The following LUZP2 variants were observed in gnomAD, a reference collection of about 807,000 sequenced individuals.
LUZP2 encodes leucine zipper protein 2.
A neutral mutation model predicts 51.6 loss-of-function variants in LUZP2; 52 were observed. The observed-to-expected ratio is 1.01, with a 90% CI of 0.81 to 1.27. The LOEUF is 1.27. LUZP2 is among the 50% of genes most tolerant of loss of function. LUZP2 has a pLI of 0.00. For missense variants in LUZP2, 436 were observed against 395.4 expected, an observed-to-expected ratio of 1.10 and a Z score of -0.87; for synonymous variants, 154 against 137.3, an observed-to-expected ratio of 1.12 and a Z score of -0.85.
At chr11:24,915,588 G>A (rs1404867710) in intron 7 of LUZP2, among the ~76,000 whole-genome samples, 1 of 151,982 alleles carries the variant, frequency 6.6e-6, no homozygotes, top group Non-Finnish European at 1.5e-5. Flanking sequence ...TTCTTTTACA[G>A]ATAAGTAATA....
At chr11:24,784,803 G>A (rs940547179) in intron 5 of LUZP2, among the ~76,000 whole-genome samples, 2 of 151,964 alleles carry the variant, frequency 1.3e-5, no homozygotes, top group African/African-American at 4.8e-5. Flanking sequence ...ATTTTCTAAT[G>A]TATTATTATT....
chr11:24,569,591 G>A (rs1425404220), intron 1 of LUZP2, among the ~76,000 whole-genome samples: 2 of 151,936 alleles, frequency 1.3e-5, no homozygotes, highest in African/African-American at 2.4e-5. Context: ...AGGAAATTAT[G>A]CAAAATAGCA....
chr11:24,529,177 G>A (rs902680008), intron 1 of LUZP2, among the ~76,000 whole-genome samples: 2 of 151,076 alleles, frequency 1.3e-5, no homozygotes, highest in African/African-American at 2.4e-5. Context: ...TGGACAGTAA[G>A]TTGCATAAGA....
At chr11:24,884,602 T>C (rs1852607689) in intron 5 of LUZP2, among the ~76,000 whole-genome samples, 1 of 152,042 alleles carries the variant, frequency 6.6e-6, no homozygotes. Flanking sequence ...TTGAGTTTAA[T>C]CTCTCTTCGT....
intron 6 of LUZP2, among the ~76,000 whole-genome samples, chr11:24,912,931 C>T (rs1853682715): frequency 6.6e-6 from 1 of 152,144 alleles, no homozygotes; most frequent in Non-Finnish European, 1.5e-5. Flanking sequence ...TATAGGCAGA[C>T]ATTCTTTATT....
intron 4 of LUZP2, among the ~76,000 whole-genome samples, chr11:24,743,499 T>C (rs1328608925): frequency 6.6e-6 from 1 of 152,124 alleles, no homozygotes; most frequent in Non-Finnish European, 1.5e-5. Context: ...TTGGTCGCTG[T>C]TGGTGTAGAG....
chr11:24,932,921 C>A (rs887158461), intron 7 of LUZP2, among the ~76,000 whole-genome samples: 1 of 152,174 alleles, frequency 6.6e-6, no homozygotes, highest in African/African-American at 2.4e-5. Context: ...CTCTGGCAGC[C>A]TTCCCCAAGG....
intron 10 of LUZP2, among the ~76,000 whole-genome samples, chr11:25,052,172 A>T (rs1263195338): frequency 6.6e-6 from 1 of 152,220 alleles, no homozygotes; most frequent in East Asian, 1.9e-4. Context: ...AGTGCTCAGT[A>T]TTCAGAGCCT....
chr11:24,811,064 T>C (rs1850004874), intron 5 of LUZP2, among the ~76,000 whole-genome samples: 2 of 152,202 alleles, frequency 1.3e-5, no homozygotes, highest in Admixed American at 6.6e-5. Flanking sequence ...CCTCAGTTTG[T>C]CCACCTGTGT....
chr11:24,846,613 C>A (rs1851207087), intron 5 of LUZP2, among the ~76,000 whole-genome samples: 1 of 152,046 alleles, frequency 6.6e-6, no homozygotes. Flanking sequence ...GTAACTGAAA[C>A]CTTACAAGGA....
chr11:25,008,871 G>A lies in LUZP2; in HGVS notation c.765+25578G>A, dbSNP rs1257275050. Among the ~76,000 whole-genome samples, 6 of 152,050 alleles carry A rather than the reference G, an allele frequency of 3.9e-5. No individual in the cohort carries two copies. The East Asian group carries it at 9.7e-4, about 25-fold the overall frequency. On this transcript the variant is annotated intron_variant, in intron 9 of 11. Transcript: ENST00000336930. The stretch of plus-strand genomic sequence containing the variant: ...CTGATTGGCCCATGGGCGGGCCTGG[G>A]AAAAATACCATTCAATTGGCTAAAA...
intron 9 of LUZP2, among the ~76,000 whole-genome samples, chr11:25,030,167 G>C (rs917601391): frequency 2.6e-5 from 4 of 152,066 alleles, no homozygotes; most frequent in Admixed American, 1.3e-4. Flanking sequence ...AATATGGCTA[G>C]TATTGATTAT....
chr11:24,790,068 C>T (rs908018467), intron 5 of LUZP2, among the ~76,000 whole-genome samples: 3 of 152,102 alleles, frequency 2.0e-5, no homozygotes, highest in Non-Finnish European at 2.9e-5. Flanking sequence ...GCAAGAATAT[C>T]TAATAACCAT....
intron 1 of LUZP2, among the ~76,000 whole-genome samples, chr11:24,671,101 TA>T (rs1416506445): frequency 6.6e-6 from 1 of 151,994 alleles, no homozygotes; most frequent in Non-Finnish European, 1.5e-5. Context: ...TATCAAATGG[TA>T]ATTAATGTCA....
intron 4 of LUZP2, among the ~76,000 whole-genome samples, chr11:24,742,400 G>A (rs191410953): frequency 6.6e-6 from 1 of 152,024 alleles, no homozygotes; most frequent in Admixed American, 6.6e-5. Flanking sequence ...CATTCTTGCA[G>A]GAGTAAGGTG....
intron 9 of LUZP2, among the ~76,000 whole-genome samples, chr11:25,032,751 G>A (rs914678383): frequency 1.6e-4 from 24 of 152,308 alleles, no homozygotes; most frequent in African/African-American, 5.5e-4. Context: ...AAAGGATGCT[G>A]TAGGGTTTAT....
chr11:24,567,011 TA>T (rs1402041600), intron 1 of LUZP2, among the ~76,000 whole-genome samples: 57 of 107,892 alleles, frequency 5.3e-4, no homozygotes, highest in South Asian at 1.9e-3. Flanking sequence ...TATATATATA[TA>T]TATTTTTTTT....
At chr11:24,983,803 C>A (rs1359007500) in intron 9 of LUZP2, among the ~76,000 whole-genome samples, 1 of 113,424 alleles carries the variant, frequency 8.8e-6, no homozygotes. Flanking sequence ...TTTTCCCAGA[C>A]CTATTAAATT....
At chr11:24,729,869 A>T (rs1026701356) in intron 2 of LUZP2, among the ~76,000 whole-genome samples, 13 of 151,866 alleles carry the variant, frequency 8.6e-5, no homozygotes, top group African/African-American at 3.1e-4. Context: ...TACATGGTTT[A>T]ATTCTTGTAA....
Sources: gnomAD v4.1 joint callset for allele counts (sites outside exome capture counted in the v4.1 genomes callset) on GRCh38, gnomAD v4.1.1 for gene constraint, MANE v1.5 for transcripts, NCBI Gene and HGNC (gene_info 2026-07-23, HGNC 2026-07-21) for gene names.